Variants in TRAPPC9 observed in about 807,000 individuals in gnomAD.
TRAPPC9 encodes trafficking protein particle complex subunit 9.
A neutral mutation model predicts 124.0 loss-of-function variants in TRAPPC9; 83 were observed. That is an observed-to-expected ratio of 0.67 (90% CI 0.56 to 0.80). The LOEUF (loss-of-function observed/expected upper bound fraction) is 0.80. Among genes scored for constraint, TRAPPC9 ranks in the 30% least tolerant of loss-of-function variants. TRAPPC9 has a pLI of 0.00. For missense variants in TRAPPC9, 1,302 were observed against 1,508.3 expected, an observed-to-expected ratio of 0.86 and a Z score of 2.27; for synonymous variants, 638 against 617.5, an observed-to-expected ratio of 1.03 and a Z score of -0.49.
intron 19 of TRAPPC9, among the ~76,000 whole-genome samples, chr8:139,948,386 C>T (rs1440995511): frequency 6.6e-6 from 1 of 152,066 alleles, no homozygotes; most frequent in Non-Finnish European, 1.5e-5. Flanking sequence ...ACGGCTTCGC[C>T]TTGAGTAAGG....
intron 11 of TRAPPC9, among the ~76,000 whole-genome samples, chr8:140,298,028 T>C (rs374425740): frequency 7.9e-5 from 12 of 152,304 alleles, no homozygotes; most frequent in African/African-American, 2.9e-4. Flanking sequence ...CTAAAAGTCG[T>C]TTCTCTAAGT....
intron 19 of TRAPPC9, among the ~76,000 whole-genome samples, chr8:139,972,942 C>A (rs575403885): frequency 5.3e-5 from 8 of 152,290 alleles, no homozygotes; most frequent in Admixed American, 2.6e-4. Context: ...TCGGCTGAAG[C>A]CCAGCAGCTC....
chr8:140,325,440 A>T (rs574121612), intron 9 of TRAPPC9, among the ~76,000 whole-genome samples: 1 of 152,388 alleles, frequency 6.6e-6, no homozygotes, highest in African/African-American at 2.4e-5. Context: ...CTATATCAGG[A>T]ATAAAAAGGA....
intron 18 of TRAPPC9, among the ~76,000 whole-genome samples, chr8:139,991,688 C>T (rs1423544290): frequency 3.3e-5 from 5 of 151,678 alleles, no homozygotes; most frequent in Non-Finnish European, 7.4e-5. Context: ...AGGGGACAGA[C>T]ACGTTTGCCT....
At chr8:140,135,476 A>G (rs2061285660) in intron 17 of TRAPPC9, among the ~76,000 whole-genome samples, 1 of 152,256 alleles carries the variant, frequency 6.6e-6, no homozygotes, top group Non-Finnish European at 1.5e-5. Flanking sequence ...AAATTTTGAC[A>G]TATGCCACAA....
At chr8:139,826,586 G>A (rs116418075) in intron 21 of TRAPPC9, among the ~76,000 whole-genome samples, 2,360 of 152,288 alleles carry the variant, frequency 0.015, 58 homozygotes, top group African/African-American at 0.053. Context: ...AGGGGATAGC[G>A]GAGACCTTGC....
chr8:140,287,771 A>T, intron 12 of TRAPPC9, 37 bp from the exon 13 acceptor site: 1 of 1,613,548 alleles, frequency 6.2e-7, no homozygotes, highest in East Asian at 2.2e-5. Context: ...GCCCGGAGCA[A>T]ACCTACTGTG....
rs75305801 is a variant in TRAPPC9 at position 140,003,655 on chromosome 8, T to G, written c.2700-14819A>C. On this transcript the variant is annotated intron_variant, in intron 18 of 22. Coordinates refer to ENST00000438773, the MANE Select transcript of TRAPPC9 (RefSeq NM_001160372.4). ...TTAAAACCACAGGAAGATATCACTA[T>G]ATGCCTATTAAAATGGGTAGAAAAT... Among the ~76,000 whole-genome samples the G allele has an allele frequency of 4.5e-3, 656 of 147,272 alleles. 5 individuals are homozygous for G. The highest frequency in any genetic ancestry group is 0.015 in the African/African-American group (617 of 40,368).
intron 21 of TRAPPC9, among the ~76,000 whole-genome samples, chr8:139,859,183 C>T (rs949642122): frequency 6.6e-6 from 1 of 151,808 alleles, no homozygotes; most frequent in Non-Finnish European, 1.5e-5. Context: ...CGCTGTGCAC[C>T]GAGCTGCCTG....
chr8:140,040,119 T>A (rs759943958), intron 17 of TRAPPC9: 1 of 152,182 alleles, frequency 6.6e-6, no homozygotes, highest in East Asian at 1.9e-4. Flanking sequence ...CACATGTATA[T>A]CATGAGAAGC....
chr8:139,952,850 A>G (rs1040131960), intron 19 of TRAPPC9, among the ~76,000 whole-genome samples: 1 of 152,246 alleles, frequency 6.6e-6, no homozygotes, highest in Non-Finnish European at 1.5e-5. Context: ...ATCGGATTCT[A>G]TAACAACCCA....
chr8:139,780,421 C>G (rs1821724453), intron 21 of TRAPPC9, among the ~76,000 whole-genome samples: 1 of 152,130 alleles, frequency 6.6e-6, no homozygotes. Context: ...GGCACTAAAA[C>G]AGAGAAAATA....
chr8:140,105,190 G>A (rs1163673932), intron 17 of TRAPPC9, among the ~76,000 whole-genome samples: 2 of 152,194 alleles, frequency 1.3e-5, no homozygotes, highest in Non-Finnish European at 2.9e-5. Context: ...ATTGTCATTA[G>A]TGGCCTCACC....
chr8:140,332,136 T>A (rs1372555566), intron 9 of TRAPPC9, among the ~76,000 whole-genome samples: 1 of 152,190 alleles, frequency 6.6e-6, no homozygotes, highest in Non-Finnish European at 1.5e-5. Flanking sequence ...GGAATGTGAT[T>A]CAGCCATAAA....
At chr8:140,242,283 G>A (rs917372274) in intron 16 of TRAPPC9, among the ~76,000 whole-genome samples, 2 of 152,190 alleles carry the variant, frequency 1.3e-5, no homozygotes, top group Non-Finnish European at 2.9e-5. Flanking sequence ...TAGTGACAGC[G>A]AAAGAGTTAA....
chr8:139,784,592 A>G (rs1383352603), intron 21 of TRAPPC9, among the ~76,000 whole-genome samples: 1 of 125,900 alleles, frequency 7.9e-6, no homozygotes, highest in Non-Finnish European at 1.6e-5. Flanking sequence ...AAATAAATAA[A>G]TAAATAAAAG....
intron 18 of TRAPPC9, among the ~76,000 whole-genome samples, chr8:139,989,484 C>G (rs931435438): frequency 3.3e-5 from 5 of 152,232 alleles, no homozygotes; most frequent in African/African-American, 1.2e-4. Context: ...AGGGCTGGTC[C>G]ATGTGATGAA....
intron 21 of TRAPPC9, among the ~76,000 whole-genome samples, chr8:139,859,408 A>G (rs1181365593): frequency 6.6e-6 from 1 of 152,232 alleles, no homozygotes; most frequent in Non-Finnish European, 1.5e-5. Context: ...TCTATTGCTT[A>G]CTAAGCAAAG....
At chr8:140,334,067 C>G (rs905111425) in intron 9 of TRAPPC9, among the ~76,000 whole-genome samples, 2 of 152,216 alleles carry the variant, frequency 1.3e-5, no homozygotes, top group Non-Finnish European at 2.9e-5. Context: ...AAAGAACTCA[C>G]CCCCATTCAG....
Sources: gnomAD v4.1 joint callset for allele counts (sites outside exome capture counted in the v4.1 genomes callset) on GRCh38, gnomAD v4.1.1 for gene constraint, MANE v1.5 for transcripts, NCBI Gene and HGNC (gene_info 2026-07-23, HGNC 2026-07-21) for gene names.